Variants in GLI3 observed in about 807,000 individuals in gnomAD.
GLI3 encodes the protein transcription activator GLI3.
A neutral mutation model predicts 100.8 loss-of-function variants in GLI3; 20 were observed. The ratio of observed to expected loss-of-function variants is 0.20; its 90% confidence interval spans 0.14 to 0.29. The LOEUF is 0.29. GLI3 is among the 10% of genes least tolerant of loss of function. GLI3 has a pLI of 1.00. For missense variants in GLI3, 2,040 were observed against 2,128.5 expected, an observed-to-expected ratio of 0.96 and a Z score of 0.82; for synonymous variants, 938 against 860.5, an observed-to-expected ratio of 1.09 and a Z score of -1.58.
At chr7:42,251,708 A>G (rs2128710455) in intron 1 of GLI3, among the ~76,000 whole-genome samples, 1 of 152,238 alleles carries the variant, frequency 6.6e-6, no homozygotes, top group East Asian at 1.9e-4. Flanking sequence ...GGTTACTATG[A>G]TGATCCCCTT....
intron 10 of GLI3, among the ~76,000 whole-genome samples, chr7:42,006,121 T>C (rs1377382975): frequency 1.3e-5 from 2 of 152,156 alleles, no homozygotes; most frequent in Admixed American, 6.5e-5. Context: ...TAAACTAGAA[T>C]ATGGATCCCC....
At chr7:42,135,462 C>T (rs988578739) in intron 3 of GLI3, among the ~76,000 whole-genome samples, 1 of 152,176 alleles carries the variant, frequency 6.6e-6, no homozygotes. Context: ...TCCCCTGAAA[C>T]ATTACTTTAT....
At chr7:42,213,670 A>G (rs937068626) in intron 2 of GLI3, among the ~76,000 whole-genome samples, 2 of 152,234 alleles carry the variant, frequency 1.3e-5, no homozygotes, top group Non-Finnish European at 2.9e-5. Context: ...ACCAATTTCA[A>G]TTAGGATCCA....
At chr7:42,049,254 A>G (rs1784305831) in intron 4 of GLI3, among the ~76,000 whole-genome samples, 1 of 152,242 alleles carries the variant, frequency 6.6e-6, no homozygotes, top group African/African-American at 2.4e-5. Context: ...CCATTGCAAA[A>G]GTCTGCTTAG....
upstream of GLI3, among the ~76,000 whole-genome samples, chr7:42,239,354 G>A (rs1260737612): frequency 6.6e-6 from 1 of 152,126 alleles, no homozygotes; most frequent in African/African-American, 2.4e-5. Context: ...GGATGGCTGA[G>A]GGTTTCCAAT....
intron 10 of GLI3, among the ~76,000 whole-genome samples, chr7:41,987,097 CACAG>C (rs1371479896): frequency 1.9e-3 from 163 of 86,034 alleles, no homozygotes; most frequent in African/African-American, 6.1e-3. Flanking sequence ...CAGACACAGA[CACAG>C]ACACACACAC....
At chr7:42,001,525 T>G (rs1788296890) in intron 10 of GLI3, among the ~76,000 whole-genome samples, 1 of 152,170 alleles carries the variant, frequency 6.6e-6, no homozygotes, top group African/African-American at 2.4e-5. Context: ...AGAACTAGTG[T>G]GCTGCAATCC....
At chr7:42,257,833 T>C (rs953873674) in intron 1 of GLI3, among the ~76,000 whole-genome samples, 1 of 152,228 alleles carries the variant, frequency 6.6e-6, no homozygotes, top group African/African-American at 2.4e-5. Flanking sequence ...ATTTAGTCCA[T>C]TACTATGGTA....
chr7:42,246,805 CTTTTTTTT>C lies in GLI3; in HGVS notation c.-43+17181_-43+17188del, dbSNP rs71006467. On this transcript the variant is annotated intron_variant, in intron 1 of 2. Coordinates refer to the GLI3 transcript ENST00000678978. Reference sequence around the variant, plus strand: ...TTAAAGGCTCATTGGATGATAGAATCTTTTTTTTTTTTTTTTTTTTTTTTTTTTTGAGG... The same window carrying C: ...TTAAAGGCTCATTGGATGATAGAATCTTTTTTTTTTTTTTTTTTTTTGAGG... Among the ~76,000 whole-genome samples, 239 of 94,966 alleles carry C rather than the reference CTTTTTTTT, an allele frequency of 2.5e-3. 1 individual carries two copies. Among genetic ancestry groups the C allele is most frequent in the African/African-American group, 9.5e-3 (219 of 23,018 alleles). 62.3% of individuals were successfully genotyped at this position (94,966 alleles called of 152,430 possible).
intron 10 of GLI3, among the ~76,000 whole-genome samples, chr7:41,987,119 C>A (rs928386458): frequency 3.3e-5 from 5 of 151,814 alleles, no homozygotes; most frequent in African/African-American, 1.2e-4. Flanking sequence ...CACACACACA[C>A]ACACACACAC....
At chr7:42,248,999 C>T (rs1789003479) in intron 1 of GLI3, among the ~76,000 whole-genome samples, 3 of 152,092 alleles carry the variant, frequency 2.0e-5, no homozygotes, top group African/African-American at 4.8e-5. Context: ...ACCTCAGCCT[C>T]CCAAAGTGGC....
chr7:42,016,268 C>T (rs567921812), intron 10 of GLI3, among the ~76,000 whole-genome samples: 223 of 152,266 alleles, frequency 1.5e-3, no homozygotes, highest in Middle Eastern at 0.01. Flanking sequence ...CAAGGAAGAA[C>T]CTGCAATGGA....
intron 3 of GLI3, among the ~76,000 whole-genome samples, chr7:42,140,490 A>G (rs1786540907): frequency 6.6e-6 from 1 of 152,250 alleles, no homozygotes; most frequent in Admixed American, 6.5e-5. Flanking sequence ...AAGTGAAGAC[A>G]TTAGAATGAT....
At chr7:42,029,711 T>C (rs1789230807) in intron 7 of GLI3, among the ~76,000 whole-genome samples, 1 of 152,134 alleles carries the variant, frequency 6.6e-6, no homozygotes, top group Non-Finnish European at 1.5e-5. Context: ...GCCACTTCCT[T>C]TTTTACATTC....
At chr7:42,177,785 G>C (rs1055116048) in intron 2 of GLI3, among the ~76,000 whole-genome samples, 1 of 152,222 alleles carries the variant, frequency 6.6e-6, no homozygotes, top group African/African-American at 2.4e-5. Context: ...GTGCTCCTCT[G>C]CAAGAGTGCA....
intron 3 of GLI3, among the ~76,000 whole-genome samples, chr7:42,112,463 G>A (rs925076998): frequency 8.6e-5 from 13 of 152,012 alleles, no homozygotes; most frequent in East Asian, 3.8e-4. Context: ...TTTAAATAAC[G>A]AAAAGGGTGG....
chr7:42,040,141 T>C lies in GLI3; in HGVS notation c.925A>G (p.Met309Val). 1 of 1,613,966 alleles carries C rather than the reference T, an allele frequency of 6.2e-7. No individual in the cohort carries two copies. Among genetic ancestry groups the C allele is most frequent in the South Asian group, 1.1e-5 (1 of 91,078 alleles). The stretch of plus-strand genomic sequence containing the variant: ...AAGGAGTTGGGAGACGTCCTTATCA[T>C]GGTCTGAAGGTCAAAGCTATGATCG... The part of the protein sequence containing the change: ...LSDHSFDLQT[M>V]IRTSPNSLVT... The change falls in exon 7 of 15, where the codon ATG (methionine) becomes GTG (valine). Residue 309 changes from methionine to valine, a missense_variant. Met to Val is a conservative substitution (Grantham distance 21). Coordinates refer to ENST00000395925, the MANE Select transcript of GLI3 (RefSeq NM_000168.6).
upstream of GLI3, among the ~76,000 whole-genome samples, chr7:42,240,126 T>TA (rs1035828293): frequency 6.6e-6 from 1 of 152,236 alleles, no homozygotes; most frequent in African/African-American, 2.4e-5. Flanking sequence ...TTTGTAGTGA[T>TA]ACACAGCACT....
intron 3 of GLI3, among the ~76,000 whole-genome samples, chr7:42,125,504 A>G (rs1786104223): frequency 6.6e-6 from 1 of 152,164 alleles, no homozygotes; most frequent in Non-Finnish European, 1.5e-5. Flanking sequence ...GATTGTCTTG[A>G]ACTGCCACCT....
Sources: allele counts gnomAD v4.1 joint callset (sites outside exome capture counted in the v4.1 genomes callset), GRCh38; gene constraint gnomAD v4.1.1; transcripts MANE v1.5; gene names NCBI Gene and HGNC (gene_info 2026-07-23, HGNC 2026-07-21).